RBFOX1: variants seen among roughly 807,000 people sequenced by gnomAD.
The protein encoded by RBFOX1 is RNA binding fox-1 homolog 1.
A neutral mutation model predicts 57.7 loss-of-function variants in RBFOX1; 8 were observed. That is an observed-to-expected ratio of 0.14 (90% confidence interval 0.08 to 0.25). RBFOX1 has a LOEUF of 0.25. RBFOX1 is among the 10% of genes least tolerant of loss of function. The pLI is 1.00. For missense variants in RBFOX1, 611 were observed against 548.5 expected (o/e 1.11, Z -1.14); for synonymous variants, 326 against 222.4 (o/e 1.47, Z -4.15).
intron 4 of RBFOX1, among the ~76,000 whole-genome samples, chr16:7,156,400 T>C (rs1347622495): frequency 6.6e-6 from 1 of 152,072 alleles, no homozygotes; most frequent in Non-Finnish European, 1.5e-5. Context: ...CACATACATG[T>C]ACATATATGT....
At chr16:6,214,972 G>C (rs1247464115) in intron 1 of RBFOX1, among the ~76,000 whole-genome samples, 2 of 136,694 alleles carry the variant, frequency 1.5e-5, no homozygotes, top group Non-Finnish European at 3.2e-5. Context: ...GGGAGAAGGA[G>C]GGAGAAGGAG....
chr16:7,431,949 G>T (rs2098684868), intron 4 of RBFOX1, among the ~76,000 whole-genome samples: 2 of 152,342 alleles, frequency 1.3e-5, no homozygotes, highest in African/African-American at 4.8e-5. Flanking sequence ...GATTTTCTCT[G>T]AGGCCTCATT....
At chr16:7,645,215 A>C (rs2063522408) in intron 11 of RBFOX1, among the ~76,000 whole-genome samples, 1 of 152,178 alleles carries the variant, frequency 6.6e-6, no homozygotes. Context: ...GATTTGACTA[A>C]AACTTTTCTA....
At chr16:5,747,431 G>C (rs552457182) in intron 3 of RBFOX1, among the ~76,000 whole-genome samples, 3 of 152,102 alleles carry the variant, frequency 2.0e-5, no homozygotes, top group Non-Finnish European at 4.4e-5. Context: ...CTCTTTTTCT[G>C]TTGATTGGAC....
intron 1 of RBFOX1, among the ~76,000 whole-genome samples, chr16:6,146,461 G>A (rs1473164169): frequency 1.3e-5 from 2 of 152,094 alleles, no homozygotes; most frequent in Non-Finnish European, 2.9e-5. Flanking sequence ...ATTGTAGGAT[G>A]GTTGGCAGCC....
intron 2 of RBFOX1, among the ~76,000 whole-genome samples, chr16:6,429,998 C>G (rs1410163058): frequency 2.6e-5 from 4 of 151,992 alleles, no homozygotes; most frequent in Non-Finnish European, 5.9e-5. Context: ...ATCCCAGCTA[C>G]TTGGGAGGCT....
intron 3 of RBFOX1, among the ~76,000 whole-genome samples, chr16:6,977,632 C>T (rs1230350366): frequency 1.3e-5 from 2 of 152,108 alleles, no homozygotes; most frequent in Non-Finnish European, 2.9e-5. Flanking sequence ...ACGGCAGGCC[C>T]CCGGCTGGTC....
At chr16:6,051,268 C>T (rs2095549322) in intron 1 of RBFOX1, among the ~76,000 whole-genome samples, 1 of 151,994 alleles carries the variant, frequency 6.6e-6, no homozygotes, top group Admixed American at 6.6e-5. Context: ...CAGTTACCAT[C>T]ATCTTGATAA....
At chr16:7,176,113 C>G (rs538961423) in intron 4 of RBFOX1, among the ~76,000 whole-genome samples, 1 of 151,544 alleles carries the variant, frequency 6.6e-6, no homozygotes, top group East Asian at 2.0e-4. Flanking sequence ...TACTTTTAAT[C>G]AAATTTTTTT....
intron 3 of RBFOX1, among the ~76,000 whole-genome samples, chr16:6,708,019 A>G (rs549183781): frequency 7.9e-4 from 121 of 152,238 alleles, no homozygotes; most frequent in African/African-American, 2.8e-3. Context: ...TCAAAACCTT[A>G]GTTTCAGAAG....
chr16:7,408,805 C>T (rs561552501), intron 4 of RBFOX1, among the ~76,000 whole-genome samples: 19 of 152,166 alleles, frequency 1.2e-4, no homozygotes, highest in East Asian at 7.8e-4. Context: ...TTGTTACTAC[C>T]GAAAATGTCT....
At chr16:6,010,569 T>C (rs1596398456) in intron 4 of RBFOX1, among the ~76,000 whole-genome samples, 1 of 152,340 alleles carries the variant, frequency 6.6e-6, no homozygotes, top group East Asian at 1.9e-4. Flanking sequence ...ACTTATCTCA[T>C]GGTCGACTTC....
At chr16:5,255,483 A>C (rs1881323) in intron 1 of RBFOX1, among the ~76,000 whole-genome samples, 99,595 of 150,654 alleles carry the variant, frequency 0.66, 32,932 homozygotes, top group South Asian at 0.72. Context: ...CATCCACCTA[A>C]CCACCTACCA....
In RBFOX1 at chr16:6,791,154, G is replaced by A. The variant is rs1250632408; in HGVS notation, c.-16+136504G>A. 5.3e-5 allele frequency among the ~76,000 whole-genome samples: 8 copies of A among 151,936 alleles called. No individual in the cohort carries two copies. In the South Asian group the frequency reaches 6.3e-4, roughly 12 times the overall value. On this transcript the variant is annotated intron_variant, in intron 3 of 15. Transcript: ENST00000550418. ...ACTCCTGACCTCAAGAGATCCTCCC[G>A]CCTCAGCCTCCCAAAGTGCTGGGGT... is the stretch of plus-strand genomic sequence containing the variant.
chr16:6,163,490 A>T (rs1394971727), intron 1 of RBFOX1, among the ~76,000 whole-genome samples: 3 of 152,178 alleles, frequency 2.0e-5, no homozygotes, highest in Non-Finnish European at 2.9e-5. Flanking sequence ...GGACTTGACA[A>T]ATCAGATAAA....
chr16:7,391,996 G>C (rs2098035847), intron 4 of RBFOX1, among the ~76,000 whole-genome samples: 1 of 152,162 alleles, frequency 6.6e-6, no homozygotes, highest in South Asian at 2.1e-4. Context: ...AGCTCTCTCT[G>C]TCTTCCTTCC....
chr16:6,093,491 A>G (rs2096205188), intron 1 of RBFOX1, among the ~76,000 whole-genome samples: 1 of 152,192 alleles, frequency 6.6e-6, no homozygotes, highest in Admixed American at 6.5e-5. Flanking sequence ...TAGGATTTCC[A>G]GGTTAGAGGG....
At chr16:5,476,848 G>A (rs1285319098) in intron 2 of RBFOX1, among the ~76,000 whole-genome samples, 2 of 152,168 alleles carry the variant, frequency 1.3e-5, no homozygotes, top group African/African-American at 4.8e-5. Flanking sequence ...CGTCTTCCAG[G>A]CAGCCCTCCA....
At chr16:5,982,360 G>A (rs1216446366) in intron 4 of RBFOX1, among the ~76,000 whole-genome samples, 1 of 151,850 alleles carries the variant, frequency 6.6e-6, no homozygotes, top group Non-Finnish European at 1.5e-5. Flanking sequence ...TGCAACCTCC[G>A]CCTTCTGGGT....
Sources: allele counts gnomAD v4.1 joint callset (sites outside exome capture counted in the v4.1 genomes callset), GRCh38; gene constraint gnomAD v4.1.1; transcripts MANE v1.5; gene names NCBI Gene and HGNC (gene_info 2026-07-23, HGNC 2026-07-21).